MCM6: variants seen among roughly 807,000 people sequenced by gnomAD.
MCM6 encodes DNA replication licensing factor MCM6.
In MCM6, 46 loss-of-function variants were observed where a neutral mutation model predicts 94.3. The observed-to-expected ratio is 0.49, with a 90% CI of 0.39 to 0.62. The LOEUF is 0.62. MCM6 is among the 20% of genes least tolerant of loss of function. The pLI, the probability that MCM6 is intolerant of heterozygous loss-of-function variation, is 0.00. For synonymous variants in MCM6, 335 were observed against 351.9 expected (o/e 0.95, Z 0.54); for missense variants, 865 against 1,017.9 (o/e 0.85, Z 2.04).
At chr2:135,856,616 G>T in intron 11 of MCM6, 112 bp downstream of exon 11, 1 of 1,103,936 alleles carries the variant, frequency 9.1e-7, no homozygotes, top group Non-Finnish European at 1.3e-6. Flanking sequence ...CACCCTGAGG[G>T]AAATCAAAGG....
chr2:135,855,358 G>GAACCA lies in MCM6; in HGVS notation c.1626+1365_1626+1369dup, dbSNP rs4988223. 6.1e-3 allele frequency among the ~76,000 whole-genome samples: 929 copies of GAACCA among 152,086 alleles called. 19 individuals are homozygous for GAACCA. Among genetic ancestry groups the GAACCA allele is most frequent in the Admixed American group, 0.029 (438 of 15,268 alleles). On this transcript the variant is annotated intron_variant, in intron 11 of 16. Coordinates refer to ENST00000264156, the MANE Select transcript of MCM6 (RefSeq NM_005915.6). ...TCTCTCTTGTGAAGGGAAAAAAAGT[G>GAACCA]AACCAAACCAAACCAAACCAAACCA...
intron 6 of MCM6, 120 bp downstream of exon 6, chr2:135,866,012 G>A: frequency 8.9e-7 from 1 of 1,124,028 alleles, no homozygotes; most frequent in Non-Finnish European, 1.3e-6. Context: ...TGAGATGGTA[G>A]GATCACTTGA....
intron 6 of MCM6, 125 bp downstream of exon 6, chr2:135,866,007 T>C: frequency 9.1e-7 from 1 of 1,096,788 alleles, no homozygotes; most frequent in South Asian, 1.6e-5. Flanking sequence ...GAGGTTGAGA[T>C]GGTAGGATCA....
rs561702341 is a variant in MCM6 at position 135,847,752 on chromosome 2, A to G, written c.2053+301T>C. On this transcript the variant is annotated intron_variant, in intron 14 of 16. Coordinates refer to ENST00000264156, the MANE Select transcript of MCM6 (RefSeq NM_005915.6). ...CTAATTTTTGCATTTTTAGTAGAGA[A>G]GGGGTTTCACCATATTGGCCAGGGT... 2.6e-5 allele frequency among the ~76,000 whole-genome samples: 4 copies of G among 152,258 alleles called. No individual in the cohort carries two copies. The East Asian group carries it at 7.7e-4, about 29-fold the overall frequency.
At chr2:135,847,631 T>C (rs946328259) in intron 14 of MCM6, among the ~76,000 whole-genome samples, 1 of 152,228 alleles carries the variant, frequency 6.6e-6, no homozygotes, top group African/African-American at 2.4e-5. Flanking sequence ...TGGCACAATC[T>C]CAGCTCACTG....
At position 135,863,120 on chromosome 2, in the gene MCM6, T is replaced by C. The variant is rs536382208; in HGVS notation, c.1079-372A>G. ...AGGCCTACCACATTTGCTAGTCCTT[T>C]TTAATGCCAGTTCTTATAGTTCTGT... is the stretch of plus-strand genomic sequence containing the variant. On this transcript the variant is annotated intron_variant, in intron 7 of 16. Coordinates refer to ENST00000264156, the MANE Select transcript of MCM6 (RefSeq NM_005915.6). Among the ~76,000 whole-genome samples the C allele has an allele frequency of 8.5e-5, 13 of 152,334 alleles. No individual in the cohort carries two copies. In the East Asian group the frequency reaches 2.1e-3, roughly 25 times the overall value.
intron 1 of MCM6, among the ~76,000 whole-genome samples, chr2:135,873,809 C>G (rs1680247838): frequency 6.6e-6 from 1 of 150,724 alleles, no homozygotes; most frequent in Admixed American, 6.7e-5. Context: ...AAGAAATGTG[C>G]TAGGGGAATA....
At chr2:135,854,882 C>T (rs1036261730) in intron 11 of MCM6, among the ~76,000 whole-genome samples, 1 of 151,736 alleles carries the variant, frequency 6.6e-6, no homozygotes, top group African/African-American at 2.4e-5. Flanking sequence ...AAGCCGGGCG[C>T]GGTGGCTCAC....
intron 1 of MCM6, 68 bp downstream of exon 1, chr2:135,876,191 C>G (rs1202484781): frequency 7.9e-6 from 10 of 1,267,432 alleles, no homozygotes; most frequent in Non-Finnish European, 1.0e-5. Flanking sequence ...GCCGCCCACA[C>G]GGCACCGCCT....
intron 10 of MCM6, 119 bp from the exon 11 acceptor site, chr2:135,857,002 T>C: frequency 1.2e-6 from 1 of 818,780 alleles, no homozygotes; most frequent in South Asian, 2.0e-5. Context: ...TGACATACCC[T>C]TTTTCACATA....
Position 135,866,570 on chromosome 2 carries a change from G to A in MCM6, c.774C>T (p.Ser258=), listed in dbSNP as rs371070387. ...LIVVPDVSKL[S]TPGARAETNS... Reference sequence around the variant, plus strand: ...GAGCCACAGATTACTGACCTGGTGTGCTAAGCTTGGAGACGTCAGGCACAA... The same window carrying A: ...GAGCCACAGATTACTGACCTGGTGTACTAAGCTTGGAGACGTCAGGCACAA... Residue 258 remains serine (S), a synonymous_variant, in exon 5 of 17, where the codon AGC becomes AGT. Transcript: ENST00000264156. 10 of 1,611,908 alleles carry A rather than the reference G, an allele frequency of 6.2e-6. No homozygotes were observed. The African/African-American group carries it at 1.3e-4, about 22-fold the overall frequency.
intron 7 of MCM6, among the ~76,000 whole-genome samples, chr2:135,863,982 A>G (rs2105587232): frequency 6.6e-6 from 1 of 152,068 alleles, no homozygotes; most frequent in South Asian, 2.1e-4. Context: ...GTTGTGGGGC[A>G]ATCCTGCAAT....
chr2:135,866,625 T>C lies in MCM6; in HGVS notation c.719A>G (p.Asp240Gly). 11 of 1,614,230 alleles carry C rather than the reference T, an allele frequency of 6.8e-6. No individual in the cohort carries two copies. Among genetic ancestry groups the C allele is most frequent in the Non-Finnish European group, 9.3e-6 (11 of 1,180,028 alleles). Residue 240 changes from aspartate to glycine, a missense_variant, in exon 5 of 17, where the codon GAC becomes GGC. Asp to Gly is a moderately conservative substitution (Grantham distance 94). Transcript: ENST00000264156. ...AEAVESAQAG[D>G]KCDFTGTLIV... The stretch of plus-strand genomic sequence containing the variant: ...CAGTGTCCCTGTAAAGTCACACTTG[T>C]CACCAGCTTGAGCTGATTCCACAGC...
At chr2:135,859,244 C>A (rs1298320924) in intron 9 of MCM6, 57 bp downstream of exon 9, 1 of 1,413,490 alleles carries the variant, frequency 7.1e-7, no homozygotes, top group Non-Finnish European at 9.8e-7. Flanking sequence ...TAGGCCTTTA[C>A]TGATAGGGTA....
chr2:135,876,125 G>A (rs753196312), intron 1 of MCM6, 134 bp downstream of exon 1: 11 of 627,908 alleles, frequency 1.8e-5, no homozygotes, highest in Non-Finnish European at 2.5e-5. Flanking sequence ...CCTAAAGTTG[G>A]GGGGCGGGCG....
chr2:135,866,436 C>G, intron 5 of MCM6, 127 bp downstream of exon 5: 1 of 1,396,734 alleles, frequency 7.2e-7, no homozygotes. Context: ...TGTTTTTATT[C>G]TCATCACACT....
chr2:135,871,933 T>C (rs993232066), intron 2 of MCM6, among the ~76,000 whole-genome samples: 2 of 152,178 alleles, frequency 1.3e-5, no homozygotes, highest in Admixed American at 1.3e-4. Context: ...TACCTATTAC[T>C]TTTATAAGCG....
intron 10 of MCM6, among the ~76,000 whole-genome samples, chr2:135,857,089 A>G (rs1308444734): frequency 6.6e-6 from 1 of 152,228 alleles, no homozygotes; most frequent in Non-Finnish European, 1.5e-5. Context: ...AATTTCTCTT[A>G]TAGCCAAATA....
At position 135,870,238 on chromosome 2, in the gene MCM6, A is replaced by C. The variant is rs1361026722; in HGVS notation, c.365+13T>G. ...TTGGTGAATTCCTTTTTTTCCAGAG[A>C]AGGGTTTCTTACTTGTGTCTGGTAG... On this transcript the variant is annotated intron_variant, in intron 3 of 16. Coordinates refer to ENST00000264156, the MANE Select transcript of MCM6 (RefSeq NM_005915.6). 8 of 1,587,530 alleles carry C rather than the reference A, an allele frequency of 5.0e-6. No individual in the cohort carries two copies. The highest frequency in any genetic ancestry group is 6.0e-6 in the Non-Finnish European group (7 of 1,157,342).
Sources: gnomAD v4.1 joint callset for allele counts (sites outside exome capture counted in the v4.1 genomes callset) on GRCh38, gnomAD v4.1.1 for gene constraint, MANE v1.5 for transcripts, NCBI Gene and HGNC (gene_info 2026-07-23, HGNC 2026-07-21) for gene names.